The following ASTN2 variants were observed in gnomAD, a reference collection of about 807,000 sequenced individuals.
The protein encoded by ASTN2 is astrotactin 2.
ASTN2 carries 54 observed loss-of-function variants against 139.8 expected under a neutral mutation model. The observed-to-expected ratio is 0.39, with a 90% CI of 0.31 to 0.48. The LOEUF is 0.48. Among genes scored for constraint, ASTN2 ranks in the 20% least tolerant of loss-of-function variants. ASTN2 has a pLI of 0.95. For missense variants in ASTN2, 1,565 were observed against 1,725.1 expected (o/e 0.91, Z 1.64); for synonymous variants, 756 against 719.5 (o/e 1.05, Z -0.81).
intron 6 of ASTN2, among the ~76,000 whole-genome samples, chr9:117,035,184 G>A (rs1405008482): frequency 6.6e-6 from 1 of 152,126 alleles, no homozygotes; most frequent in Non-Finnish European, 1.5e-5. Context: ...TGGTCCCTGG[G>A]AGACCTGGTC....
At chr9:116,680,356 A>G (rs1859773468) in intron 16 of ASTN2, among the ~76,000 whole-genome samples, 1 of 152,240 alleles carries the variant, frequency 6.6e-6, no homozygotes, top group African/African-American at 2.4e-5. Flanking sequence ...GACCAATAAC[A>G]GGATCTGAAA....
At chr9:117,164,228 G>A (rs1468127193) in intron 3 of ASTN2, among the ~76,000 whole-genome samples, 1 of 152,070 alleles carries the variant, frequency 6.6e-6, no homozygotes, top group Non-Finnish European at 1.5e-5. Context: ...CTGAGTCCCA[G>A]AAATTGAGAA....
At chr9:117,243,214 T>C (rs1833268121) in intron 2 of ASTN2, among the ~76,000 whole-genome samples, 1 of 152,230 alleles carries the variant, frequency 6.6e-6, no homozygotes, top group South Asian at 2.1e-4. Context: ...TGTCTAACTC[T>C]CGCTGTGGTT....
At chr9:117,199,650 T>G (rs1831636345) in intron 3 of ASTN2, among the ~76,000 whole-genome samples, 2 of 152,080 alleles carry the variant, frequency 1.3e-5, no homozygotes, top group Admixed American at 1.3e-4. Context: ...AGTTTTTTTT[T>G]TCTAATTCTG....
chr9:117,107,836 G>A lies in ASTN2; in HGVS notation c.1169-11685C>T, dbSNP rs1333135539. On this transcript the variant is annotated intron_variant, in intron 4 of 22. Transcript: ENST00000313400. ...ATGCTTCTAAACCAAAGTAAAGAAC[G>A]TTTTGTACTACCAAATTGTATCTGT... is the stretch of plus-strand genomic sequence containing the variant. Among the ~76,000 whole-genome samples, 9 of 152,266 alleles carry A rather than the reference G, an allele frequency of 5.9e-5. No homozygotes were observed. In the South Asian group the frequency reaches 6.2e-4, roughly 11 times the overall value.
chr9:116,497,735 G>A (rs1002093106), intron 19 of ASTN2, among the ~76,000 whole-genome samples: 2 of 152,068 alleles, frequency 1.3e-5, no homozygotes, highest in African/African-American at 2.4e-5. Flanking sequence ...GAAGGGGGAG[G>A]GATGAAGGAA....
intron 13 of ASTN2, among the ~76,000 whole-genome samples, chr9:116,804,588 T>C (rs1830981533): frequency 6.6e-6 from 1 of 152,144 alleles, no homozygotes; most frequent in Non-Finnish European, 1.5e-5. Flanking sequence ...GACATTATTA[T>C]TGTTAGTAGT....
At chr9:116,710,770 G>T (rs1306560785) in intron 16 of ASTN2, among the ~76,000 whole-genome samples, 2 of 136,596 alleles carry the variant, frequency 1.5e-5, no homozygotes, top group African/African-American at 2.7e-5. Context: ...AGAGAAAAAA[G>T]AAAGAAAATT....
intron 3 of ASTN2, among the ~76,000 whole-genome samples, chr9:117,173,182 A>G (rs1377118827): frequency 6.6e-6 from 1 of 152,206 alleles, no homozygotes; most frequent in Non-Finnish European, 1.5e-5. Context: ...AAAAAAATAA[A>G]TAAAACCACA....
At chr9:116,670,377 G>A (rs1300364453) in intron 16 of ASTN2, among the ~76,000 whole-genome samples, 1 of 152,094 alleles carries the variant, frequency 6.6e-6, no homozygotes, top group Non-Finnish European at 1.5e-5. Flanking sequence ...GGCTGGTCAA[G>A]TATGACTGAG....
intron 13 of ASTN2, among the ~76,000 whole-genome samples, chr9:116,805,107 G>GGT (rs1379491902): frequency 1.9e-5 from 1 of 51,398 alleles, no homozygotes; most frequent in Non-Finnish European, 3.7e-5. Context: ...TGGGATTTGG[G>GGT]GAGTGTGTGT....
intron 6 of ASTN2, among the ~76,000 whole-genome samples, chr9:117,009,762 G>T (rs1837461744): frequency 6.6e-6 from 1 of 152,182 alleles, no homozygotes; most frequent in South Asian, 2.1e-4. Flanking sequence ...AGAATCATAT[G>T]GGTTCTATGG....
At chr9:116,836,365 C>A (rs993143906) in intron 11 of ASTN2, among the ~76,000 whole-genome samples, 7 of 143,800 alleles carry the variant, frequency 4.9e-5, no homozygotes, top group Non-Finnish European at 9.5e-5. Context: ...CTGAATAGGC[C>A]AGGGGATGGG....
rs1856350473 is a variant in ASTN2, at chr9:116,624,652, T to A, written c.3073-4209A>T. 3.9e-5 allele frequency among the ~76,000 whole-genome samples: 6 copies of A among 152,348 alleles called. No individual in the cohort carries two copies. The South Asian group carries it at 1.2e-3, about 32-fold the overall frequency. On this transcript the variant is annotated intron_variant, in intron 17 of 22. Coordinates refer to ENST00000313400, the MANE Select transcript of ASTN2 (RefSeq NM_001365068.1). ...TAAATTCCACACTCTATACTTCAAA[T>A]GACTGTAATTTTTACACTAAAAAAT...
intron 14 of ASTN2, 145 bp downstream of exon 14, chr9:116,733,254 G>T: frequency 8.7e-7 from 1 of 1,146,896 alleles, no homozygotes; most frequent in Non-Finnish European, 1.2e-6. Context: ...CCCAAGAAAG[G>T]GTAAGTTCCT....
chr9:116,694,493 G>T (rs1351888717), intron 16 of ASTN2, among the ~76,000 whole-genome samples: 4 of 117,910 alleles, frequency 3.4e-5, no homozygotes, highest in African/African-American at 1.3e-4. Context: ...ATGGAGTCTC[G>T]CTCTGTCACC....
At chr9:117,015,731 C>T (rs1471257865) in intron 6 of ASTN2, among the ~76,000 whole-genome samples, 1 of 152,094 alleles carries the variant, frequency 6.6e-6, no homozygotes, top group African/African-American at 2.4e-5. Flanking sequence ...ATTTTAAGGA[C>T]AGTCAACCTC....
chr9:117,409,602 C>T (rs1036763959), intron 1 of ASTN2, among the ~76,000 whole-genome samples: 1 of 152,166 alleles, frequency 6.6e-6, no homozygotes, highest in Non-Finnish European at 1.5e-5. Flanking sequence ...ATCAGACACC[C>T]TCCCCTTCTC....
At chr9:117,402,504 G>C (rs1045032656) in intron 1 of ASTN2, among the ~76,000 whole-genome samples, 2 of 152,152 alleles carry the variant, frequency 1.3e-5, no homozygotes, top group African/African-American at 2.4e-5. Flanking sequence ...GATGTGGGTA[G>C]AGCAGGTTTA....
Sources: gnomAD v4.1 joint callset for allele counts (sites outside exome capture counted in the v4.1 genomes callset) on GRCh38, gnomAD v4.1.1 for gene constraint, MANE v1.5 for transcripts, NCBI Gene and HGNC (gene_info 2026-07-23, HGNC 2026-07-21) for gene names.